Variants in ZFHX3 observed in about 807,000 individuals in gnomAD.
ZFHX3 encodes the protein zinc finger homeobox protein 3.
A neutral mutation model predicts 279.1 loss-of-function variants in ZFHX3; 42 were observed. That is an observed-to-expected ratio of 0.15 (90% CI 0.12 to 0.19). ZFHX3 has a LOEUF of 0.19. ZFHX3 is among the 10% of genes least tolerant of loss of function. The probability of loss-of-function intolerance (pLI) is 1.00; values close to 1 mark genes in which losing one functional copy is unlikely to be tolerated. For synonymous variants in ZFHX3, 2,293 were observed against 1,957.8 expected (o/e 1.17, Z -4.52); for missense variants, 4,981 against 4,754.0 (o/e 1.05, Z -1.40).
In ZFHX3 at chr16:73,315,875, C is replaced by G. The variant is rs377495536; in HGVS notation, c.-1194+2365G>C. Among the ~76,000 whole-genome samples, 15 of 152,304 alleles carry G rather than the reference C, an allele frequency of 9.8e-5. No individual in the cohort carries two copies. The East Asian group carries it at 1.9e-3, about 20-fold the overall frequency. On this transcript the variant is annotated intron_variant, in intron 4 of 17. Transcript: ENST00000641206. The stretch of plus-strand genomic sequence containing the variant: ...AGCTTTTAACTCTATTTTCAGCCCC[C>G]CTGGGAGTTGCAAGGAAGAAGGTGT...
At chr16:73,475,234 T>C (rs182691987) in intron 2 of ZFHX3, among the ~76,000 whole-genome samples, 2 of 152,368 alleles carry the variant, frequency 1.3e-5, no homozygotes, top group South Asian at 2.1e-4. Flanking sequence ...TATTCACCAA[T>C]ACACTGACTT....
At chr16:73,526,832 G>T (rs1438858891) in intron 2 of ZFHX3, among the ~76,000 whole-genome samples, 1 of 151,650 alleles carries the variant, frequency 6.6e-6, no homozygotes, top group Non-Finnish European at 1.5e-5. Flanking sequence ...GACTTGCAGG[G>T]CAAATGACCA....
intron 3 of ZFHX3, among the ~76,000 whole-genome samples, chr16:73,374,154 C>T (rs1468481201): frequency 2.6e-5 from 4 of 152,094 alleles, no homozygotes; most frequent in Non-Finnish European, 5.9e-5. Flanking sequence ...ACAGGAAAAA[C>T]GTGAAGCAAA....
intron 1 of ZFHX3, among the ~76,000 whole-genome samples, chr16:73,841,536 C>G (rs1472932093): frequency 6.6e-6 from 1 of 152,072 alleles, no homozygotes; most frequent in Non-Finnish European, 1.5e-5. Flanking sequence ...AACTTCAGCA[C>G]CAGTGACAGC....
intron 1 of ZFHX3, among the ~76,000 whole-genome samples, chr16:73,021,830 C>CAA (rs60811631): frequency 7.9e-4 from 57 of 71,752 alleles, no homozygotes; most frequent in Admixed American, 3.0e-3. Context: ...GACTCCATCT[C>CAA]AAAAAAAAAA....
intron 4 of ZFHX3, among the ~76,000 whole-genome samples, chr16:72,877,877 G>A (rs1327309328): frequency 6.6e-6 from 1 of 152,252 alleles, no homozygotes; most frequent in Non-Finnish European, 1.5e-5. Flanking sequence ...GGGGCCACGG[G>A]TTGAGTGGTG....
intron 5 of ZFHX3, among the ~76,000 whole-genome samples, chr16:73,191,339 G>A (rs1184615137): frequency 6.6e-6 from 1 of 152,182 alleles, no homozygotes; most frequent in Non-Finnish European, 1.5e-5. Context: ...GCTGGGCAAG[G>A]AGGCGGTGAT....
intron 1 of ZFHX3, among the ~76,000 whole-genome samples, chr16:73,778,154 T>C (rs947566534): frequency 2.1e-5 from 3 of 143,292 alleles, no homozygotes; most frequent in East Asian, 2.1e-4. Flanking sequence ...GGAAGAGAAA[T>C]GGCTATACCA....
chr16:73,548,467 C>CTTT (rs544506701), intron 2 of ZFHX3, among the ~76,000 whole-genome samples: 4 of 138,642 alleles, frequency 2.9e-5, no homozygotes, highest in East Asian at 4.0e-4. Flanking sequence ...GGTGTTTAGC[C>CTTT]TTTTTTTTTT....
At chr16:72,961,504 C>G (rs1233293454) in intron 1 of ZFHX3, among the ~76,000 whole-genome samples, 2 of 152,236 alleles carry the variant, frequency 1.3e-5, no homozygotes, top group African/African-American at 2.4e-5. Context: ...CCACCATTCC[C>G]CTGCTGCTCC....
exon 8 of ZFHX3, chr16:73,093,513 G>T (rs754917691): frequency 5.9e-6 from 3 of 504,346 alleles, no homozygotes; most frequent in Non-Finnish European, 1.2e-5. Flanking sequence ...TCATAGCTGC[G>T]CCCTGTCCAC....
At chr16:73,788,165 G>C (rs777750476) in intron 1 of ZFHX3, among the ~76,000 whole-genome samples, 12 of 152,172 alleles carry the variant, frequency 7.9e-5, no homozygotes, top group Admixed American at 2.6e-4. Context: ...GGCTTCAGTA[G>C]AGAAAGACAA....
At chr16:73,020,199 A>G (rs1964252098) in intron 1 of ZFHX3, among the ~76,000 whole-genome samples, 1 of 152,184 alleles carries the variant, frequency 6.6e-6, no homozygotes, top group East Asian at 1.9e-4. Context: ...AGGCACCGGG[A>G]GGCCTGATTT....
intron 5 of ZFHX3, among the ~76,000 whole-genome samples, chr16:73,171,955 T>C (rs1254423618): frequency 6.6e-6 from 1 of 152,050 alleles, no homozygotes; most frequent in South Asian, 2.1e-4. Flanking sequence ...ACCTACCCCA[T>C]CAATATGCAC....
chr16:73,541,480 G>C (rs948737508), intron 2 of ZFHX3, among the ~76,000 whole-genome samples: 4 of 151,442 alleles, frequency 2.6e-5, no homozygotes, highest in Admixed American at 2.0e-4. Context: ...AGCAAGACTG[G>C]TCTCAAAAAA....
At chr16:73,432,892 G>A (rs986924761) in intron 3 of ZFHX3, among the ~76,000 whole-genome samples, 9 of 152,212 alleles carry the variant, frequency 5.9e-5, no homozygotes, top group Non-Finnish European at 7.3e-5. Context: ...TGACCTGACA[G>A]AGACAGTTAA....
chr16:73,823,877 A>C (rs1960821832), intron 1 of ZFHX3, among the ~76,000 whole-genome samples: 1 of 152,198 alleles, frequency 6.6e-6, no homozygotes, highest in Non-Finnish European at 1.5e-5. Context: ...CTCTGATGGC[A>C]AGAGTCATAG....
chr16:73,524,974 C>T (rs901024182), intron 2 of ZFHX3, among the ~76,000 whole-genome samples: 6 of 152,126 alleles, frequency 3.9e-5, no homozygotes, highest in South Asian at 2.1e-4. Context: ...AACATGGTCA[C>T]GTAAGAAGGA....
At chr16:73,551,612 T>A (rs2020205434) in intron 2 of ZFHX3, among the ~76,000 whole-genome samples, 1 of 152,212 alleles carries the variant, frequency 6.6e-6, no homozygotes, top group South Asian at 2.1e-4. Context: ...GTCTGGAACC[T>A]CTAGAGCTGG....
Sources: allele counts gnomAD v4.1 joint callset (sites outside exome capture counted in the v4.1 genomes callset), GRCh38; gene constraint gnomAD v4.1.1; transcripts MANE v1.5; gene names NCBI Gene and HGNC (gene_info 2026-07-23, HGNC 2026-07-21).